ATP2B3: variants seen among roughly 807,000 people sequenced by gnomAD.
The protein encoded by ATP2B3 is ATPase plasma membrane Ca2+ transporting 3, also known as plasma membrane calcium-transporting ATPase 3.
In ATP2B3, 12 loss-of-function variants were observed where a neutral mutation model predicts 70.8. The observed-to-expected ratio is 0.17, with a 90% CI of 0.11 to 0.27. The LOEUF (loss-of-function observed/expected upper bound fraction) is 0.27. ATP2B3 is among the 10% of genes least tolerant of loss of function. The pLI, the probability that ATP2B3 is intolerant of heterozygous loss-of-function variation, is 1.00. For missense variants in ATP2B3, 858 were observed against 1,118.5 expected (o/e 0.77, Z 3.32); for synonymous variants, 460 against 497.8 (o/e 0.92, Z 1.01).
rs201731964 is a variant in ATP2B3, at chrX:153,550,226, G to A, written c.1763G>A (p.Arg588His). ...SVRKSMSTVIRMPDGGFRLFS... is the reference protein window; with the variant it reads ...SVRKSMSTVIHMPDGGFRLFS... ...CGCAAGTCCATGAGCACAGTCATCC[G>A]CATGCCCGACGGTGGCTTCCGCCTC... is the stretch of plus-strand genomic sequence containing the variant. The change falls in exon 12 of 22, where the codon CGC becomes CAC. Residue 588 changes from arginine to histidine, a missense_variant. This residue lies in a region of ATP2B3 where 242 missense variants were observed against 281.3 expected (regional missense o/e 0.86). Coordinates refer to ENST00000263519, the MANE Select transcript of ATP2B3 (RefSeq NM_001001344.3). 140 of 1,211,363 alleles carry A rather than the reference G, an allele frequency of 1.2e-4. No individual in the cohort carries two copies. The East Asian group carries it at 1.7e-3, about 14-fold the overall frequency.
chrX:153,546,418 C>G (rs2090367009), intron 8 of ATP2B3, among the ~76,000 whole-genome samples: 1 of 112,744 alleles, frequency 8.9e-6, no homozygotes, highest in Non-Finnish European at 1.9e-5. Context: ...AGTGGGCGCC[C>G]CGAGTCCACT....
At chrX:153,536,508 G>A (rs2090193583) in intron 3 of ATP2B3, 53 bp downstream of exon 3, 1 of 1,139,695 alleles carries the variant, frequency 8.8e-7, no homozygotes, top group Non-Finnish European at 1.2e-6. Context: ...GCCTTCAGAG[G>A]AGCGACCTGA....
chrX:153,557,158 A>G, intron 16 of ATP2B3, 135 bp downstream of exon 16: 2 of 642,249 alleles, frequency 3.1e-6, no homozygotes, highest in South Asian at 5.7e-5. Flanking sequence ...TCTTTCTTTC[A>G]CATCCTGGCC....
At chrX:153,553,343 C>A in intron 13 of ATP2B3, 74 bp downstream of exon 13, 2 of 960,101 alleles carry the variant, frequency 2.1e-6, no homozygotes, top group Non-Finnish European at 1.4e-6. Context: ...CTGGTAGGGG[C>A]GGCCTTCCTT....
At chrX:153,545,032 C>G (rs782391697) in intron 7 of ATP2B3, among the ~76,000 whole-genome samples, 69 of 113,026 alleles carry the variant, frequency 6.1e-4, no homozygotes, top group African/African-American at 2.2e-3. Context: ...GCCCTCTGTG[C>G]CCACAGGAAC....
chrX:153,555,107 G>A (rs935122335), intron 13 of ATP2B3, among the ~76,000 whole-genome samples: 4 of 111,737 alleles, frequency 3.6e-5, no homozygotes, highest in Non-Finnish European at 7.5e-5. Flanking sequence ...AAGTGTCCCC[G>A]AGGCTGGCAG....
chrX:153,569,690 G>A (rs2090760358), intron 21 of ATP2B3: 2 of 1,211,332 alleles, frequency 1.7e-6, no homozygotes, highest in Non-Finnish European at 2.2e-6. Flanking sequence ...GCTTCATGAC[G>A]TAACCAATCT....
chrX:153,538,158 C>T (rs2090221731), intron 3 of ATP2B3, among the ~76,000 whole-genome samples: 1 of 113,051 alleles, frequency 8.8e-6, no homozygotes, highest in East Asian at 2.8e-4. Flanking sequence ...CTCCCCGCAT[C>T]CCCTAGCCCG....
rs143247033 is a variant in ATP2B3, at chrX:153,550,095, G to A, written c.1632G>A (p.Glu544=). 229 of 1,211,601 alleles carry A rather than the reference G, an allele frequency of 1.9e-4. 1 individual carries two copies. Among genetic ancestry groups the A allele is most frequent in the Non-Finnish European group, 2.8e-5 (25 of 895,512 alleles). Residue 544 remains glutamate, a synonymous_variant, in exon 12 of 22, where the codon GAG becomes GAA. Transcript: ENST00000263519. Reference sequence around the variant, plus strand: ...CACGCCAGGTGGGCAATAAGACGGAGTGCGCCCTGCTGGGCTTCGTCTTGG... The same window carrying A: ...CACGCCAGGTGGGCAATAAGACGGAATGCGCCCTGCTGGGCTTCGTCTTGG... ...ALPRQVGNKT[E]CALLGFVLDL...
At chrX:153,550,349 A>G in intron 12 of ATP2B3, 63 bp downstream of exon 12, 1 of 1,191,352 alleles carries the variant, frequency 8.4e-7, no homozygotes, top group Admixed American at 2.2e-5. Context: ...TGTCGTGGTA[A>G]AAGAGGCCGA....
chrX:153,525,745 C>T (rs782097183), intron 2 of ATP2B3, among the ~76,000 whole-genome samples: 1 of 112,708 alleles, frequency 8.9e-6, no homozygotes, highest in East Asian at 2.8e-4. Flanking sequence ...GGGTAGGGCA[C>T]GTCTCCCACC....
Position 153,547,221 on chromosome X carries a change from G to A in ATP2B3, c.959-614G>A, listed in dbSNP as rs1448433424. ...AGGAAGTGACAGAAGCAGAGGAGTG[G>A]GGAGAGGAGGGAGCCGGAGTGGGGG... On this transcript the variant is annotated intron_variant, in intron 8 of 21. Coordinates refer to ENST00000263519, the MANE Select transcript of ATP2B3 (RefSeq NM_001001344.3). Among the ~76,000 whole-genome samples the A allele has an allele frequency of 6.3e-5, 7 of 110,785 alleles. 1 individual carries two copies. In the Middle Eastern group the frequency reaches 0.018, roughly 292 times the overall value.
In ATP2B3 at chrX:153,558,321, C is replaced by G; in HGVS notation, c.2625+18C>G. 2.5e-6 allele frequency: 3 copies of G among 1,187,302 alleles called. No homozygotes were observed. Among genetic ancestry groups the G allele is most frequent in the Non-Finnish European group, 3.4e-6 (3 of 880,030 alleles). On this transcript the variant is annotated intron_variant, in intron 17 of 21. Transcript: ENST00000263519. ...TTACTCAGGTGGGTACTGGGGGCTG[C>G]CATGCCCCAGCTAGGACACCTGGGC...
In ATP2B3 at chrX:153,556,397, G is replaced by A. The variant is rs782390562; in HGVS notation, c.2305G>A (p.Asp769Asn). 1 of 1,205,797 alleles carries A rather than the reference G, an allele frequency of 8.3e-7. No individual in the cohort carries two copies. Among genetic ancestry groups the A allele is most frequent in the Non-Finnish European group, 1.1e-6 (1 of 893,064 alleles). ...GGTGCTGGCCCGGTCGTCTCCCACC[G>A]ACAAGCACACACTGGTCAAAGGTAG... is the stretch of plus-strand genomic sequence containing the variant. ...LRVLARSSPT[D>N]KHTLVKGIID... Residue 769 changes from aspartate (D) to asparagine (N), a missense_variant, in exon 15 of 22, where the codon GAC (aspartate) becomes AAC (asparagine). Physicochemically the swap from Asp to Asn is conservative, Grantham distance 23. This residue lies in a region of ATP2B3 where 242 missense variants were observed against 281.3 expected (regional missense o/e 0.86). Transcript: ENST00000263519.
rs2090910494 is a variant in ATP2B3 at position 153,580,468 on chromosome X, T to G, written c.*170T>G. 8.5e-6 allele frequency: 4 copies of G among 471,310 alleles called. No homozygotes were observed. In the South Asian group the frequency reaches 1.5e-4, roughly 18 times the overall value. The allele number at this position is 471,310 out of a possible 1,213,427, so 38.8% of individuals were successfully genotyped here. ...GGCATTTGCAAGGACCCAAATCCAT[T>G]CAACAAGGGTGCAGCCTGCCACAGG... On this transcript the variant is annotated 3_prime_UTR_variant, in exon 22 of 22. Transcript: ENST00000263519.
chrX:153,536,101 T>C (rs1169395547), intron 2 of ATP2B3, 21 bp from the exon 3 acceptor site: 1 of 602,876 alleles, frequency 1.7e-6, no homozygotes, highest in Non-Finnish European at 2.7e-6. Flanking sequence ...CCCTGGCTTC[T>C]TCTCGCCTCC....
intron 3 of ATP2B3, among the ~76,000 whole-genome samples, chrX:153,538,927 G>A (rs1557005267): frequency 8.9e-6 from 1 of 112,899 alleles, no homozygotes; most frequent in African/African-American, 3.2e-5. Flanking sequence ...CCTGGGGAAT[G>A]GGCCAGGGGT....
chrX:153,534,091 G>A (rs2068780627), intron 2 of ATP2B3, among the ~76,000 whole-genome samples: 1 of 112,128 alleles, frequency 8.9e-6, no homozygotes, highest in South Asian at 3.7e-4. Flanking sequence ...GTGGCACAAA[G>A]TTGCTACATG....
rs202115287 is a variant in ATP2B3 at position 153,536,343 on chromosome X, G to A, written c.96G>A (p.Ala32=). The change falls in exon 3 of 22, where the codon GCG becomes GCA. Residue 32 remains alanine, a synonymous_variant. Coordinates refer to ENST00000263519, the MANE Select transcript of ATP2B3 (RefSeq NM_001001344.3). ...CTGGAGGCTTTGGGTGCACGCTGGCGGAGCTGCGCACCCTCATGGAGCTGC... is the reference window on the plus strand; with the variant it reads ...CTGGAGGCTTTGGGTGCACGCTGGCAGAGCTGCGCACCCTCATGGAGCTGC... ...PQAGGFGCTL[A]ELRTLMELRG... 29 of 1,199,617 alleles carry A rather than the reference G, an allele frequency of 2.4e-5. No individual in the cohort carries two copies. The highest frequency in any genetic ancestry group is 3.0e-5 in the Non-Finnish European group (27 of 890,078).
Sources: allele counts gnomAD v4.1 joint callset (sites outside exome capture counted in the v4.1 genomes callset), GRCh38; gene constraint gnomAD v4.1.1; regional missense constraint gnomAD v4.1.1; transcripts MANE v1.5; gene names NCBI Gene and HGNC (gene_info 2026-07-23, HGNC 2026-07-21).